The following AGAP1 variants were observed in gnomAD, a reference collection of about 807,000 sequenced individuals.
AGAP1 encodes the protein arf-GAP with GTPase, ANK repeat and PH domain-containing protein 1.
A neutral mutation model predicts 105.3 loss-of-function variants in AGAP1; 29 were observed. That is an observed-to-expected ratio of 0.28 (90% CI 0.21 to 0.38). The LOEUF is 0.38. AGAP1 is among the 10% of genes least tolerant of loss of function. The pLI is 1.00. For missense variants in AGAP1, 998 were observed against 1,165.1 expected (o/e 0.86, Z 2.09); for synonymous variants, 509 against 485.9 (o/e 1.05, Z -0.63).
intron 2 of AGAP1, among the ~76,000 whole-genome samples, chr2:235,715,182 T>G (rs1448168908): frequency 3.3e-5 from 5 of 152,212 alleles, no homozygotes; most frequent in Non-Finnish European, 5.9e-5. Context: ...CTCTCCCCTT[T>G]ATTTCCATCT....
rs1259133021 is a variant in AGAP1, at chr2:235,733,462, T to A, written c.311-7501T>A. Among the ~76,000 whole-genome samples the A allele has an allele frequency of 6.6e-6, 1 of 152,182 alleles. No homozygotes were observed. Among genetic ancestry groups the A allele is most frequent in the Admixed American group, 6.5e-5 (1 of 15,278 alleles). On this transcript the variant is annotated intron_variant, in intron 3 of 17. Transcript: ENST00000304032. The surrounding 1 kb of genome is among the most constrained non-coding windows in gnomAD (Gnocchi z 5.0). ...CCTTAGAGCCTGCGTTTTTTGAGGT[T>A]TATTATGTAAAGCCGTGCCCCTTTT...
intron 12 of AGAP1, among the ~76,000 whole-genome samples, chr2:235,946,284 C>CT (rs34759426): frequency 0.018 from 2,065 of 114,020 alleles, 30 homozygotes; most frequent in African/African-American, 0.026. Context: ...GCTTTTTTTC[C>CT]TTTTTTTTTT....
rs2059859498 is a variant in AGAP1, at chr2:236,119,914, T to TC, written c.2115-274dup. Among the ~76,000 whole-genome samples, 1 of 152,160 alleles carries TC rather than the reference T, an allele frequency of 6.6e-6. No individual in the cohort carries two copies. The highest frequency in any genetic ancestry group is 1.5e-5 in the Non-Finnish European group (1 of 68,014). On this transcript the variant is annotated intron_variant, in intron 16 of 17. Transcript: ENST00000304032. This position sits in a 1 kb window ranked among gnomAD's most constrained non-coding sequence, Gnocchi z 6.6. ...CTCTCACACCTTGGGCCTATTGGAA[T>TC]CCCCTGCAGGGCTTCTTAAAACACC... is the stretch of plus-strand genomic sequence containing the variant.
intron 16 of AGAP1, among the ~76,000 whole-genome samples, chr2:236,067,855 G>A (rs746701421): frequency 6.6e-6 from 1 of 152,150 alleles, no homozygotes; most frequent in Non-Finnish European, 1.5e-5. Flanking sequence ...TGGATGTTTT[G>A]CATCATGTTC....
intron 1 of AGAP1, among the ~76,000 whole-genome samples, chr2:235,571,932 T>TGTGTGTG (rs1944529407): frequency 9.7e-6 from 1 of 103,608 alleles, no homozygotes; most frequent in Non-Finnish European, 1.8e-5. Context: ...TGCCCACACT[T>TGTGTGTG]TGTGTGTGTG....
In AGAP1 at chr2:235,653,499, TATAACATAAC is replaced by T. The variant is rs138275032; in HGVS notation, c.164-55660_164-55651del. 4.0e-3 allele frequency among the ~76,000 whole-genome samples: 524 copies of T among 130,350 alleles called. 3 individuals carry two copies. Among genetic ancestry groups the T allele is most frequent in the Non-Finnish European group, 6.3e-3 (373 of 58,868 alleles). 85.5% of individuals were successfully genotyped at this position (130,350 alleles called of 152,430 possible). ...TAAAATAAAATAAAATAAAATAAAA[TATAACATAAC>T]ATAACATAACATAACATAAAATAAA... On this transcript the variant is annotated intron_variant, in intron 1 of 17. Coordinates refer to ENST00000304032, the MANE Select transcript of AGAP1 (RefSeq NM_001037131.3).
intron 1 of AGAP1, among the ~76,000 whole-genome samples, chr2:235,629,314 G>A (rs986358589): frequency 2.3e-3 from 241 of 103,934 alleles, no homozygotes; most frequent in African/African-American, 8.0e-3. Flanking sequence ...GTGTGTGTGT[G>A]TGTGTATGTG....
At chr2:235,651,155 A>T (rs2149322830) in intron 1 of AGAP1, among the ~76,000 whole-genome samples, 1 of 131,412 alleles carries the variant, frequency 7.6e-6, no homozygotes, top group South Asian at 3.0e-4. Context: ...AGTGCGCTCC[A>T]GCCAGAGTGA....
intron 1 of AGAP1, among the ~76,000 whole-genome samples, chr2:235,676,698 C>G (rs1204816174): frequency 6.6e-6 from 1 of 152,066 alleles, no homozygotes; most frequent in Non-Finnish European, 1.5e-5. Flanking sequence ...AAAATATTTT[C>G]GGTATATGGT....
chr2:235,869,148 G>T (rs930657868), intron 9 of AGAP1, among the ~76,000 whole-genome samples: 1 of 152,120 alleles, frequency 6.6e-6, no homozygotes, highest in Non-Finnish European at 1.5e-5. Context: ...TGGGTGAAAT[G>T]GTTTGCAGGG....
chr2:235,537,357 G>A (rs1436464423), intron 1 of AGAP1, among the ~76,000 whole-genome samples: 2 of 152,176 alleles, frequency 1.3e-5, no homozygotes, highest in Non-Finnish European at 2.9e-5. Flanking sequence ...CCCTGAGGAA[G>A]CACAGAGCTT....
At chr2:235,565,782 G>A (rs1175137934) in intron 1 of AGAP1, among the ~76,000 whole-genome samples, 1 of 151,538 alleles carries the variant, frequency 6.6e-6, no homozygotes, top group African/African-American at 2.4e-5. Flanking sequence ...CACCTCAGCC[G>A]CCTGAGTAGT....
At chr2:235,803,475 G>A (rs1445955709) in intron 8 of AGAP1, among the ~76,000 whole-genome samples, 3 of 152,216 alleles carry the variant, frequency 2.0e-5, no homozygotes, top group South Asian at 2.1e-4. Flanking sequence ...CTAGTCAGAG[G>A]ACAGATGCAT....
chr2:235,606,903 T>C (rs572340563), intron 1 of AGAP1, among the ~76,000 whole-genome samples: 29 of 131,974 alleles, frequency 2.2e-4, no homozygotes, highest in African/African-American at 7.4e-4. Flanking sequence ...ATCACGCCAC[T>C]GCACTCCAGC....
At chr2:235,616,672 T>C (rs1438826591) in intron 1 of AGAP1, among the ~76,000 whole-genome samples, 1 of 152,142 alleles carries the variant, frequency 6.6e-6, no homozygotes, top group Non-Finnish European at 1.5e-5. Context: ...CTGCCCCACC[T>C]GTGGTTTCAT....
chr2:235,587,762 A>T lies in AGAP1; in HGVS notation c.163+92913A>T, dbSNP rs563689678. On this transcript the variant is annotated intron_variant, in intron 1 of 17. Transcript: ENST00000304032. ...AAGAGCAAAACTCCGCCTTAAAAAA[A>T]AAAAAAGTCACAACAACCTGTTTCA... Among the ~76,000 whole-genome samples, 4 of 152,046 alleles carry T rather than the reference A, an allele frequency of 2.6e-5. No homozygotes were observed. The South Asian group carries it at 8.3e-4, about 32-fold the overall frequency.
chr2:235,626,541 ATGTT>A (rs35679780), intron 1 of AGAP1, among the ~76,000 whole-genome samples: 16,991 of 152,238 alleles, frequency 0.11, 1,311 homozygotes, highest in East Asian at 0.32. Flanking sequence ...ATACGCCAGA[ATGTT>A]TGTGGCAGTG....
In AGAP1 at chr2:235,828,274, C is replaced by G. The variant is rs542154598; in HGVS notation, c.1050+20943C>G. The stretch of plus-strand genomic sequence containing the variant: ...GTGGCAGCCCACTGGAACATAAGCA[C>G]CCCATGTTGGGAATTTCTTTTTTTG... On this transcript the variant is annotated intron_variant, in intron 9 of 17. Transcript: ENST00000304032. Among the ~76,000 whole-genome samples, 80 of 152,330 alleles carry G rather than the reference C, an allele frequency of 5.3e-4. 2 individuals are homozygous for G. The South Asian group carries it at 6.8e-3, about 13-fold the overall frequency.
rs1944811627 is a variant in AGAP1 at position 235,578,509 on chromosome 2, G to A, written c.163+83660G>A. Among the ~76,000 whole-genome samples the A allele has an allele frequency of 6.6e-6, 1 of 152,194 alleles. No individual in the cohort carries two copies. Among genetic ancestry groups the A allele is most frequent in the African/African-American group, 2.4e-5 (1 of 41,452 alleles). The stretch of plus-strand genomic sequence containing the variant: ...GCCACAGTTTAAAAAATTACAGACT[G>A]GACGCAGTGGCTTATGCCACCCCAG... On this transcript the variant is annotated intron_variant, in intron 1 of 17. Transcript: ENST00000304032. The surrounding 1 kb of genome is among the most constrained non-coding windows in gnomAD (Gnocchi z 4.9).
Sources: gnomAD v4.1 joint callset for allele counts (sites outside exome capture counted in the v4.1 genomes callset) on GRCh38, gnomAD v4.1.1 for gene constraint, Gnocchi (gnomAD v3.1) non-coding constraint, MANE v1.5 for transcripts, NCBI Gene and HGNC (gene_info 2026-07-23, HGNC 2026-07-21) for gene names.